ACSS1: variants seen among roughly 807,000 people sequenced by gnomAD.
ACSS1 encodes the protein acetyl-coenzyme A synthetase 2-like, mitochondrial.
A neutral mutation model predicts 75.3 loss-of-function variants in ACSS1; 42 were observed. The ratio of observed to expected loss-of-function variants is 0.56; its 90% CI spans 0.44 to 0.72. The LOEUF (loss-of-function observed/expected upper bound fraction) is 0.72. Among genes scored for constraint, ACSS1 ranks in the 30% least tolerant of loss-of-function variants. The pLI is 0.00. For missense variants in ACSS1, 782 were observed against 935.7 expected, an observed-to-expected ratio of 0.84 and a Z score of 2.14; for synonymous variants, 380 against 376.8, an observed-to-expected ratio of 1.01 and a Z score of -0.10.
chr20:25,057,669 G>T (rs1373087464), intron 1 of ACSS1, 100 bp downstream of exon 1: 7 of 1,259,102 alleles, frequency 5.6e-6, no homozygotes, highest in Non-Finnish European at 7.6e-6. Flanking sequence ...GCAGGGCTGC[G>T]ATCCGCGCTG....
In ACSS1 at chr20:25,027,648, C is replaced by T. The variant is rs117988222; in HGVS notation, c.631+3111G>A. Among the ~76,000 whole-genome samples, 174 of 152,106 alleles carry T rather than the reference C, an allele frequency of 1.1e-3. 4 individuals carry two copies. In the East Asian group the frequency reaches 0.021, roughly 18 times the overall value. Reference sequence around the variant, plus strand: ...TTAATGGATAAAGAGCATCTGAAAACCCACAGCTAACATCATATTAATGGT... The same window carrying T: ...TTAATGGATAAAGAGCATCTGAAAATCCACAGCTAACATCATATTAATGGT... On this transcript the variant is annotated intron_variant, in intron 3 of 13. Transcript: ENST00000323482.
In ACSS1 at chr20:25,048,078, A is replaced by T. The variant is rs778350885; in HGVS notation, c.431+7T>A. The T allele has an allele frequency of 6.2e-7, 1 of 1,613,336 alleles. No individual in the cohort carries two copies. Among genetic ancestry groups the T allele is most frequent in the Non-Finnish European group, 8.5e-7 (1 of 1,179,726 alleles). On this transcript the variant is annotated splice_region_variant and intron_variant, in intron 2 of 13. Coordinates refer to ENST00000323482, the MANE Select transcript of ACSS1 (RefSeq NM_032501.4). ...CCTCGCACCTTGAACATTCGAGGGC[A>T]CAGTACCTGTAGGTGATCCTCACTT...
chr20:25,039,972 A>G (rs755686888), intron 2 of ACSS1, among the ~76,000 whole-genome samples: 5 of 152,184 alleles, frequency 3.3e-5, no homozygotes, highest in Non-Finnish European at 7.4e-5. Context: ...ACACTGGGGG[A>G]CTGGAGTCCT....
At chr20:25,056,738 C>T (rs1387525547) in intron 1 of ACSS1, among the ~76,000 whole-genome samples, 1 of 152,156 alleles carries the variant, frequency 6.6e-6, no homozygotes, top group African/African-American at 2.4e-5. Context: ...CCATAAAGAC[C>T]CGCAGGTCCT....
chr20:25,052,303 G>C (rs1438299676), intron 1 of ACSS1, among the ~76,000 whole-genome samples: 1 of 152,214 alleles, frequency 6.6e-6, no homozygotes, highest in African/African-American at 2.4e-5. Flanking sequence ...GCATTTCCAA[G>C]AAGAGTTGGG....
In ACSS1 at chr20:25,013,979, G is replaced by A. The variant is rs144154135; in HGVS notation, c.1434C>T (p.Pro478=). The A allele has an allele frequency of 4.0e-4, 643 of 1,613,742 alleles. 4 individuals are homozygous for A. The African/African-American group carries it at 6.9e-3, about 17-fold the overall frequency. The change falls in exon 9 of 14, where the codon CCC becomes CCT. Residue 478 remains proline (P), a synonymous_variant. Transcript: ENST00000323482. ...TACACACCTTCTCATCCATGAGGAC[G>A]GGGACGATGCCAAAGAAGGGCCTCA... The part of the protein sequence containing the change: ...MAMRPFFGIV[P]VLMDEKGSVV...
chr20:25,013,670 C>A lies in ACSS1; in HGVS notation c.1453-8G>T, dbSNP rs1472284086. The A allele has an allele frequency of 2.5e-6, 4 of 1,590,470 alleles. No homozygotes were observed. The highest frequency in any genetic ancestry group is 1.3e-5 in the African/African-American group (1 of 74,478). Reference sequence around the variant, plus strand: ...GCCCTCCACGACGCTGCCCTGTAGACCCCGGACATGCAAGTGAGACAGGGC... The same window carrying A: ...GCCCTCCACGACGCTGCCCTGTAGAACCCGGACATGCAAGTGAGACAGGGC... On this transcript the variant is annotated splice_polypyrimidine_tract_variant and splice_region_variant and intron_variant, in intron 9 of 13. Coordinates refer to ENST00000323482, the MANE Select transcript of ACSS1 (RefSeq NM_032501.4).
At chr20:25,034,536 T>G (rs1337326454) in intron 2 of ACSS1, among the ~76,000 whole-genome samples, 1 of 152,088 alleles carries the variant, frequency 6.6e-6, no homozygotes, top group Admixed American at 6.5e-5. Context: ...GAGCTGAATG[T>G]GGGTACCCAG....
intron 5 of ACSS1, 35 bp from the exon 6 acceptor site, chr20:25,021,571 C>A (rs745599522): frequency 1.2e-6 from 2 of 1,604,828 alleles, no homozygotes; most frequent in Admixed American, 1.7e-5. Flanking sequence ...AGGAGCTTGT[C>A]CCCCCACTCC....
chr20:25,044,962 G>C (rs964293794), intron 2 of ACSS1, among the ~76,000 whole-genome samples: 1 of 152,230 alleles, frequency 6.6e-6, no homozygotes, highest in Non-Finnish European at 1.5e-5. Flanking sequence ...AGGAAGCGGG[G>C]CAAAACCGCG....
chr20:25,013,100 G>A (rs1281348206), intron 10 of ACSS1, among the ~76,000 whole-genome samples, 161 bp from the exon 11 acceptor site: 1 of 152,232 alleles, frequency 6.6e-6, no homozygotes, highest in African/African-American at 2.4e-5. Flanking sequence ...AGCATGGGCA[G>A]GTGGCTCCGA....
intron 1 of ACSS1, 126 bp from the exon 2 acceptor site, chr20:25,048,307 G>C (rs1428376547): frequency 1.4e-6 from 1 of 703,086 alleles, no homozygotes; most frequent in East Asian, 2.7e-5. Flanking sequence ...CAGAGACCCT[G>C]TCCTCATCAG....
chr20:25,046,856 G>A (rs1489203225), intron 2 of ACSS1: 1 of 779,646 alleles, frequency 1.3e-6, no homozygotes, highest in African/African-American at 1.7e-5. Flanking sequence ...GGGCCACACG[G>A]CATCTGCAAC....
At chr20:25,047,420 C>G (rs1337621151) in intron 2 of ACSS1, among the ~76,000 whole-genome samples, 1 of 152,154 alleles carries the variant, frequency 6.6e-6, no homozygotes, top group African/African-American at 2.4e-5. Flanking sequence ...ACAGTGGCCA[C>G]CCAGCCACAC....
rs2122566243 is a variant in ACSS1 at position 25,007,494 on chromosome 20, T to C, written c.*268A>G. The C allele has an allele frequency of 4.6e-6, 6 of 1,299,600 alleles. No individual in the cohort carries two copies. In the South Asian group the frequency reaches 8.0e-5, roughly 17 times the overall value. 80.5% of individuals were successfully genotyped at this position (1,299,600 alleles called of 1,614,324 possible). On this transcript the variant is annotated 3_prime_UTR_variant, in exon 14 of 14. Transcript: ENST00000323482. ...GAGGGCAGAGGAATGGAGATGGCAA[T>C]GCCTTTTCATTCCAGGAAACCAAAC...
intron 7 of ACSS1, among the ~76,000 whole-genome samples, chr20:25,018,569 C>T (rs1372282855): frequency 6.6e-6 from 1 of 152,218 alleles, no homozygotes; most frequent in Non-Finnish European, 1.5e-5. Context: ...GTGCTGCGTT[C>T]AACACAGGCT....
At chr20:25,026,026 C>G (rs1016674670) in intron 3 of ACSS1, among the ~76,000 whole-genome samples, 3 of 152,150 alleles carry the variant, frequency 2.0e-5, no homozygotes, top group Admixed American at 6.5e-5. Context: ...TCTCTCAAAG[C>G]CATTCTCCTG....
intron 2 of ACSS1, among the ~76,000 whole-genome samples, chr20:25,039,505 G>A (rs951670501): frequency 5.3e-5 from 8 of 152,212 alleles, no homozygotes; most frequent in East Asian, 1.9e-4. Context: ...GTCCCCACAC[G>A]CATGGGGGTT....
chr20:25,008,343 A>T (rs2088347366), intron 13 of ACSS1, among the ~76,000 whole-genome samples: 1 of 152,242 alleles, frequency 6.6e-6, no homozygotes, highest in African/African-American at 2.4e-5. Context: ...ACTACTTAAG[A>T]GAAAAATTTT....
Sources: allele counts gnomAD v4.1 joint callset (sites outside exome capture counted in the v4.1 genomes callset), GRCh38; gene constraint gnomAD v4.1.1; transcripts MANE v1.5; gene names NCBI Gene and HGNC (gene_info 2026-07-23, HGNC 2026-07-21).